The following CTTNBP2NL variants were observed in gnomAD, a reference collection of about 807,000 sequenced individuals.
CTTNBP2NL encodes the protein CTTNBP2 N-terminal like, also known as CTTNBP2 N-terminal-like protein.
In CTTNBP2NL, 16 loss-of-function variants were observed where a neutral mutation model predicts 32.5. That is an observed-to-expected ratio of 0.49 (90% CI 0.33 to 0.75). The LOEUF (loss-of-function observed/expected upper bound fraction) is 0.75. Ranked by LOEUF, CTTNBP2NL falls within the 30% of genes least tolerant of loss-of-function variation. CTTNBP2NL has a pLI of 0.02. For missense variants in CTTNBP2NL, 645 were observed against 756.0 expected (o/e 0.85, Z 1.72); for synonymous variants, 298 against 289.4 (o/e 1.03, Z -0.30).
chr1:112,414,822 A>T (rs1228655049), intron 2 of CTTNBP2NL: 2 of 152,226 alleles, frequency 1.3e-5, no homozygotes, highest in African/African-American at 2.4e-5. Context: ...ATACTTTGGA[A>T]CATGCAGATT....
In CTTNBP2NL at chr1:112,444,069, T is replaced by G. The variant is rs116797715; in HGVS notation, c.100-4873T>G. Reference sequence around the variant, plus strand: ...TCTTTGAAGACCTATGATGTTCACATTGCTGATTACTTTTTAAAATATCAC... The same window carrying G: ...TCTTTGAAGACCTATGATGTTCACAGTGCTGATTACTTTTTAAAATATCAC... On this transcript the variant is annotated intron_variant, in intron 3 of 5. Coordinates refer to ENST00000271277, the MANE Select transcript of CTTNBP2NL (RefSeq NM_018704.3). 3.3e-3 allele frequency among the ~76,000 whole-genome samples: 501 copies of G among 152,356 alleles called. 3 individuals are homozygous for G. The highest frequency in any genetic ancestry group is 0.012 in the African/African-American group (479 of 41,590).
intron 3 of CTTNBP2NL, among the ~76,000 whole-genome samples, chr1:112,427,047 C>T (rs1000840694): frequency 6.6e-6 from 1 of 152,060 alleles, no homozygotes; most frequent in African/African-American, 2.4e-5. Context: ...TTATTGGCTT[C>T]TTATGATCAT....
At chr1:112,418,162 C>T (rs1359746600) in intron 3 of CTTNBP2NL, among the ~76,000 whole-genome samples, 1 of 152,088 alleles carries the variant, frequency 6.6e-6, no homozygotes, top group African/African-American at 2.4e-5. Flanking sequence ...TATCTCTAAA[C>T]AAAACCATAT....
chr1:112,441,676 G>T (rs1649894724), intron 3 of CTTNBP2NL, among the ~76,000 whole-genome samples: 1 of 152,198 alleles, frequency 6.6e-6, no homozygotes, highest in Non-Finnish European at 1.5e-5. Context: ...ATGTGTGAGT[G>T]TTCTACTTAC....
intron 3 of CTTNBP2NL, among the ~76,000 whole-genome samples, chr1:112,433,331 C>T (rs746105301): frequency 1.5e-4 from 23 of 152,074 alleles, no homozygotes; most frequent in Admixed American, 3.9e-4. Flanking sequence ...CGGTGGCTGA[C>T]GCCTGTAATC....
intron 1 of CTTNBP2NL, among the ~76,000 whole-genome samples, chr1:112,408,706 T>C (rs1570716794): frequency 6.6e-6 from 1 of 152,186 alleles, no homozygotes; most frequent in East Asian, 1.9e-4. Context: ...TATACTGGGT[T>C]TTTAAGAAAA....
At chr1:112,420,156 T>A (rs1649182159) in intron 3 of CTTNBP2NL, among the ~76,000 whole-genome samples, 1 of 151,418 alleles carries the variant, frequency 6.6e-6, no homozygotes, top group African/African-American at 2.4e-5. Context: ...GGCTTTTTTT[T>A]TTTTTTTGAG....
rs138589921 is a variant in CTTNBP2NL, at chr1:112,453,704, T to C, written c.331-745T>C. On this transcript the variant is annotated intron_variant, in intron 4 of 5. Transcript: ENST00000271277. ...GGGAGGCCAAGGCAGCAGTGAGCCA[T>C]GATTGCACTACTACAGTCCAGCCTG... Among the ~76,000 whole-genome samples the C allele has an allele frequency of 3.5e-3, 527 of 152,168 alleles. 3 individuals carry two copies. Among genetic ancestry groups the C allele is most frequent in the African/African-American group, 0.012 (490 of 41,516 alleles).
chr1:112,445,630 C>G (rs1297718421), intron 3 of CTTNBP2NL, among the ~76,000 whole-genome samples: 1 of 152,130 alleles, frequency 6.6e-6, no homozygotes, highest in African/African-American at 2.4e-5. Context: ...CCTTTACAGG[C>G]AAAGCCGTCT....
In CTTNBP2NL at chr1:112,457,690, G is replaced by A. The variant is rs1159397227; in HGVS notation, c.*278G>A. 1 of 318,374 alleles carries A rather than the reference G, an allele frequency of 3.1e-6. No individual in the cohort carries two copies. The highest frequency in any genetic ancestry group is 2.1e-5 in the African/African-American group (1 of 46,848). The allele number at this position is 318,374 out of a possible 1,614,324, so 19.7% of individuals were successfully genotyped here. On this transcript the variant is annotated 3_prime_UTR_variant, in exon 6 of 6. Coordinates refer to ENST00000271277, the MANE Select transcript of CTTNBP2NL (RefSeq NM_018704.3). ...TTGTGATGAAGAAAGCGAATCACCA[G>A]GTGGTGATTTGCTATCTATTTGAGA... is the stretch of plus-strand genomic sequence containing the variant.
chr1:112,447,811 ATAG>A (rs1441646791), intron 3 of CTTNBP2NL, among the ~76,000 whole-genome samples: 2 of 152,218 alleles, frequency 1.3e-5, no homozygotes, highest in African/African-American at 4.8e-5. Flanking sequence ...TGGATAAATA[ATAG>A]TAGTTTTCAT....
intron 3 of CTTNBP2NL, among the ~76,000 whole-genome samples, chr1:112,424,013 G>C (rs747640313): frequency 1.3e-5 from 2 of 152,136 alleles, no homozygotes; most frequent in African/African-American, 4.8e-5. Context: ...ATGAGCCGCC[G>C]TGCCCAGCCT....
At chr1:112,454,363 G>C (rs1269898932) in intron 4 of CTTNBP2NL, 86 bp from the exon 5 acceptor site, 2 of 932,104 alleles carry the variant, frequency 2.1e-6, no homozygotes, top group African/African-American at 3.3e-5. Context: ...ACTATCTAAG[G>C]TGCCTGATTT....
chr1:112,396,603 T>C (rs915326116), intron 1 of CTTNBP2NL: 3 of 152,442 alleles, frequency 2.0e-5, no homozygotes, highest in African/African-American at 7.2e-5. Context: ...TTCTCTAGGC[T>C]GCCGCCCCCA....
chr1:112,457,796 A>G lies in CTTNBP2NL; in HGVS notation c.*384A>G, dbSNP rs1650425912. Reference sequence around the variant, plus strand: ...TTATTCCAGATGAACATGTTTTAAAAGTGCCTGAAATATGACTGCCATATG... The same window carrying G: ...TTATTCCAGATGAACATGTTTTAAAGGTGCCTGAAATATGACTGCCATATG... On this transcript the variant is annotated 3_prime_UTR_variant, in exon 6 of 6. Coordinates refer to ENST00000271277, the MANE Select transcript of CTTNBP2NL (RefSeq NM_018704.3). 1 of 165,182 alleles carries G rather than the reference A, an allele frequency of 6.1e-6. No homozygotes were observed. The allele number at this position is 165,182 out of a possible 1,614,324, so 10.2% of individuals were successfully genotyped here.
chr1:112,439,434 A>T (rs747075347), intron 3 of CTTNBP2NL, among the ~76,000 whole-genome samples: 1 of 152,200 alleles, frequency 6.6e-6, no homozygotes, highest in African/African-American at 2.4e-5. Flanking sequence ...AATTTAAGAA[A>T]CTTGCTTCAA....
chr1:112,408,787 GA>G (rs1008797035), intron 1 of CTTNBP2NL, among the ~76,000 whole-genome samples: 1 of 152,056 alleles, frequency 6.6e-6, no homozygotes, highest in Non-Finnish European at 1.5e-5. Context: ...TGAGTTTTAA[GA>G]ATTTACTGGC....
intron 3 of CTTNBP2NL, among the ~76,000 whole-genome samples, chr1:112,426,265 G>A (rs1284069265): frequency 1.3e-5 from 2 of 152,108 alleles, no homozygotes; most frequent in Admixed American, 6.5e-5. Flanking sequence ...TTGTGTGTCT[G>A]AAGTATTGTG....
At chr1:112,405,951 C>T (rs369279156) in intron 1 of CTTNBP2NL, among the ~76,000 whole-genome samples, 6 of 149,908 alleles carry the variant, frequency 4.0e-5, no homozygotes, top group East Asian at 1.9e-4. Context: ...TTTGGGAGGC[C>T]GAGGCAGGTG....
Sources: gnomAD v4.1 joint callset for allele counts (sites outside exome capture counted in the v4.1 genomes callset) on GRCh38, gnomAD v4.1.1 for gene constraint, MANE v1.5 for transcripts, NCBI Gene and HGNC (gene_info 2026-07-23, HGNC 2026-07-21) for gene names.